Variants in ATAD1 observed in about 807,000 individuals in gnomAD.
ATAD1 encodes outer mitochondrial transmembrane helix translocase.
A neutral mutation model predicts 42.7 loss-of-function variants in ATAD1; 18 were observed. The ratio of observed to expected loss-of-function variants is 0.42; its 90% CI spans 0.29 to 0.63. The LOEUF is 0.63. ATAD1 is among the 20% of genes least tolerant of loss of function. ATAD1 has a pLI of 0.19. For missense variants in ATAD1, 294 were observed against 440.4 expected (o/e 0.67, Z 2.98); for synonymous variants, 132 against 143.1 (o/e 0.92, Z 0.55).
intron 6 of ATAD1, among the ~76,000 whole-genome samples, chr10:87,772,184 A>G (rs1226248086): frequency 2.6e-5 from 4 of 152,014 alleles, no homozygotes; most frequent in African/African-American, 9.7e-5. Context: ...ATTAATGCTC[A>G]TATTTATTTT....
chr10:87,776,507 T>G, intron 5 of ATAD1, 80 bp from the exon 6 acceptor site: 1 of 1,179,406 alleles, frequency 8.5e-7, no homozygotes, highest in Non-Finnish European at 1.2e-6. Context: ...CTCACTCTGT[T>G]GCCCAGGCTG....
chr10:87,810,592 T>G (rs1210475601), intron 2 of ATAD1, among the ~76,000 whole-genome samples: 1 of 152,214 alleles, frequency 6.6e-6, no homozygotes, highest in Non-Finnish European at 1.5e-5. Context: ...ATCATTTATG[T>G]AGCAAACATT....
intron 1 of ATAD1, among the ~76,000 whole-genome samples, chr10:87,834,553 A>T (rs1857896166): frequency 6.6e-6 from 1 of 152,146 alleles, no homozygotes; most frequent in African/African-American, 2.4e-5. Flanking sequence ...ATAGGTTGTC[A>T]TATTTATGTG....
upstream of ATAD1, among the ~76,000 whole-genome samples, chr10:87,819,662 C>A (rs878873719): frequency 6.6e-6 from 1 of 152,086 alleles, no homozygotes; most frequent in Non-Finnish European, 1.5e-5. Context: ...AAAGCTTAAA[C>A]CTTAGAGAAA....
At chr10:87,758,291 G>C (rs993517599) in intron 8 of ATAD1, among the ~76,000 whole-genome samples, 1 of 151,944 alleles carries the variant, frequency 6.6e-6, no homozygotes, top group African/African-American at 2.4e-5. Flanking sequence ...GGATAGAAAG[G>C]GTACACTAAA....
chr10:87,807,672 T>A (rs925035023), intron 2 of ATAD1, among the ~76,000 whole-genome samples: 4 of 152,182 alleles, frequency 2.6e-5, no homozygotes, highest in African/African-American at 9.6e-5. Flanking sequence ...ATATATGTCC[T>A]CAGTACAAAT....
At chr10:87,817,010 G>C (rs1157970482) in intron 1 of ATAD1, among the ~76,000 whole-genome samples, 1 of 152,028 alleles carries the variant, frequency 6.6e-6, no homozygotes, top group African/African-American at 2.4e-5. Flanking sequence ...TCCCATAAAA[G>C]GTCAACACAC....
At chr10:87,825,371 G>A (rs888511942) in intron 1 of ATAD1, among the ~76,000 whole-genome samples, 5 of 146,040 alleles carry the variant, frequency 3.4e-5, no homozygotes, top group Admixed American at 6.9e-5. Context: ...GTGCAGTGGC[G>A]CAATCTCGGC....
At chr10:87,792,612 A>AC (rs761639862) in intron 3 of ATAD1, 45 bp downstream of exon 3, 2 of 705,084 alleles carry the variant, frequency 2.8e-6, no homozygotes, top group South Asian at 1.4e-5. Flanking sequence ...GCTAGAACCC[A>AC]CCCCCACCTC....
chr10:87,805,172 G>C (rs973151904), intron 2 of ATAD1, among the ~76,000 whole-genome samples: 1 of 151,984 alleles, frequency 6.6e-6, no homozygotes, highest in Non-Finnish European at 1.5e-5. Context: ...CTTTCATTCT[G>C]ACCACAAAAG....
Position 87,773,125 on chromosome 10 carries a change from A to G in ATAD1, c.691-2084T>C, listed in dbSNP as rs563086625. The stretch of plus-strand genomic sequence containing the variant: ...CCCCAAGACACAAATTTATCTATGT[A>G]ACAAACCTGCACATATACCCCTGAA... On this transcript the variant is annotated intron_variant, in intron 6 of 9. Coordinates refer to ENST00000680024, the MANE Select transcript of ATAD1 (RefSeq NM_001321967.2). Among the ~76,000 whole-genome samples, 4 of 152,342 alleles carry G rather than the reference A, an allele frequency of 2.6e-5. No individual in the cohort carries two copies. In the East Asian group the frequency reaches 7.7e-4, roughly 29 times the overall value.
chr10:87,804,976 A>C (rs1856857263), intron 2 of ATAD1, among the ~76,000 whole-genome samples: 1 of 152,184 alleles, frequency 6.6e-6, no homozygotes, highest in Non-Finnish European at 1.5e-5. Flanking sequence ...CAAGTCTAGA[A>C]ATTTACAAAT....
chr10:87,827,285 T>G (rs1857747839), intron 1 of ATAD1, among the ~76,000 whole-genome samples: 1 of 152,256 alleles, frequency 6.6e-6, no homozygotes, highest in Non-Finnish European at 1.5e-5. Flanking sequence ...ATGACAGTAC[T>G]CAATGAGAGG....
Position 87,814,487 on chromosome 10 carries a change from ACCAT to A in ATAD1, c.109_112del (p.Met37Ter). 1 of 1,607,024 alleles carries A rather than the reference ACCAT, an allele frequency of 6.2e-7. No individual in the cohort carries two copies. The highest frequency in any genetic ancestry group is 8.5e-7 in the Non-Finnish European group (1 of 1,176,754). On this transcript the variant is annotated frameshift_variant, in exon 2 of 10. Coordinates refer to ENST00000680024, the MANE Select transcript of ATAD1 (RefSeq NM_001321967.2). LOFTEE classifies it high-confidence loss of function. ...CTTTCTGGTTGGATCAATTGCATCT[ACCAT>A]CCATTTGATAGTAAAGTATGTCACT...
At chr10:87,754,929 A>G (rs1854155434) in intron 9 of ATAD1, 122 bp from the exon 10 acceptor site, 4 of 1,168,380 alleles carry the variant, frequency 3.4e-6, no homozygotes, top group Non-Finnish European at 4.6e-6. Flanking sequence ...TCAACTGTAG[A>G]AAAGGGTATA....
Position 87,756,785 on chromosome 10 carries a change from A to AT in ATAD1, c.965+3dup. 1.3e-6 allele frequency: 2 copies of AT among 1,589,118 alleles called. No individual in the cohort carries two copies. The highest frequency in any genetic ancestry group is 1.7e-6 in the Non-Finnish European group (2 of 1,171,246). On this transcript the variant is annotated splice_donor_region_variant and intron_variant, in intron 9 of 9. Coordinates refer to ENST00000680024, the MANE Select transcript of ATAD1 (RefSeq NM_001321967.2). ...GTGTTAAAAATCAAGTCAAAATAAC[A>AT]TACCTTTCTTCTGATGTAGAATTAA...
chr10:87,828,700 G>C (rs1233689248), intron 1 of ATAD1, among the ~76,000 whole-genome samples: 1 of 152,200 alleles, frequency 6.6e-6, no homozygotes, highest in Non-Finnish European at 1.5e-5. Context: ...TTTATAGCTA[G>C]TGAAGACAAG....
chr10:87,752,107 G>A lies in ATAD1; in HGVS notation c.*2580C>T, dbSNP rs1010282359. On this transcript the variant is annotated 3_prime_UTR_variant, in exon 10 of 10. Coordinates refer to ENST00000680024, the MANE Select transcript of ATAD1 (RefSeq NM_001321967.2). ...TAATGAATGCTGGGTTTACCTGCAGGTAGGGGGTTGGCTGAGATTAAAAGG... is the reference window on the plus strand; with the variant it reads ...TAATGAATGCTGGGTTTACCTGCAGATAGGGGGTTGGCTGAGATTAAAAGG... 6.6e-6 allele frequency: 1 copy of A among 152,140 alleles called. No homozygotes were observed. The highest frequency in any genetic ancestry group is 1.5e-5 in the Non-Finnish European group (1 of 68,030). 9.4% of individuals were successfully genotyped at this position (152,140 alleles called of 1,614,324 possible). A position where few individuals can be genotyped will look rare whatever the true frequency, so the allele number is the denominator to read the frequency against.
In ATAD1 at chr10:87,754,537, C is replaced by T. The variant is rs1854134884; in HGVS notation, c.*150G>A. The T allele has an allele frequency of 2.1e-6, 2 of 933,762 alleles. No individual in the cohort carries two copies. The highest frequency in any genetic ancestry group is 1.7e-5 in the African/African-American group (1 of 60,188). The allele number at this position is 933,762 out of a possible 1,614,324, so 57.8% of individuals were successfully genotyped here. A position where few individuals can be genotyped will look rare whatever the true frequency, so the allele number is the denominator to read the frequency against. ...AACAGTAATACCACCTATGTAACAA[C>T]TATATCTCAATAACTTAGAATTCAG... On this transcript the variant is annotated 3_prime_UTR_variant, in exon 10 of 10. Coordinates refer to ENST00000680024, the MANE Select transcript of ATAD1 (RefSeq NM_001321967.2).
Sources: gnomAD v4.1 joint callset for allele counts (sites outside exome capture counted in the v4.1 genomes callset) on GRCh38, gnomAD v4.1.1 for gene constraint, MANE v1.5 for transcripts, NCBI Gene and HGNC (gene_info 2026-07-23, HGNC 2026-07-21) for gene names.